ZNF687: variants seen among roughly 807,000 people sequenced by gnomAD.
The protein encoded by ZNF687 is zinc finger protein 687.
A neutral mutation model predicts 71.8 loss-of-function variants in ZNF687; 13 were observed. The observed-to-expected ratio is 0.18, with a 90% confidence interval of 0.12 to 0.29. The LOEUF (loss-of-function observed/expected upper bound fraction) is 0.29, where lower values mean the gene tolerates loss of function less well. Ranked by LOEUF, ZNF687 falls within the 10% of genes least tolerant of loss-of-function variation. ZNF687 has a pLI of 1.00. For missense variants in ZNF687, 1,412 were observed against 1,625.6 expected (o/e 0.87, Z 2.26); for synonymous variants, 673 against 641.6 (o/e 1.05, Z -0.74).
chr1:151,284,854 G>C (rs995761800), intron 1 of ZNF687, among the ~76,000 whole-genome samples: 11 of 131,182 alleles, frequency 8.4e-5, no homozygotes, highest in African/African-American at 3.3e-4. Context: ...CTGTCACCCA[G>C]GCTGGAGTGC....
chr1:151,283,199 C>T (rs1693798814), intron 1 of ZNF687: 1 of 985,362 alleles, frequency 1.0e-6, no homozygotes, highest in African/African-American at 1.7e-5. Context: ...ACTTGCTCCC[C>T]GCGCCAGCCC....
Position 151,292,160 on chromosome 1 carries a change from A to AAATT in ZNF687, c.*954_*957dup, listed in dbSNP as rs1435153759. The AAATT allele has an allele frequency of 6.6e-6, 1 of 152,306 alleles. No homozygotes were observed. Among genetic ancestry groups the AAATT allele is most frequent in the African/African-American group, 2.4e-5 (1 of 41,446 alleles). 9.4% of individuals were successfully genotyped at this position (152,306 alleles called of 1,614,324 possible). On this transcript the variant is annotated 3_prime_UTR_variant, in exon 9 of 9. Transcript: ENST00000336715. The stretch of plus-strand genomic sequence containing the variant: ...TAACTAAGGACTTTATTTCAAACAA[A>AAATT]AATTAAAAATAAAAAATTGAGAGCT...
In ZNF687 at chr1:151,282,488, C is replaced by T. The variant is rs587664454; in HGVS notation, c.-18+93C>T. ...CGCCCCTCCCCCACTTGGTCAACTA[C>T]CCCCTTCTCCGCGCCGCCCCCTGGG... On this transcript the variant is annotated intron_variant, in intron 1 of 8. Coordinates refer to ENST00000336715, the MANE Select transcript of ZNF687 (RefSeq NM_020832.3). 2.0e-4 allele frequency: 181 copies of T among 892,212 alleles called. No homozygotes were observed. The African/African-American group carries it at 2.9e-3, about 14-fold the overall frequency. 55.3% of individuals were successfully genotyped at this position (892,212 alleles called of 1,614,324 possible). A position where few individuals can be genotyped will look rare whatever the true frequency, so the allele number is the denominator to read the frequency against.
intron 8 of ZNF687, 33 bp from the exon 9 acceptor site, chr1:151,290,682 T>A: frequency 6.3e-7 from 1 of 1,581,354 alleles, no homozygotes; most frequent in Non-Finnish European, 8.6e-7. Context: ...GTAGGGGTGG[T>A]GGTAAGGCCC....
chr1:151,290,080 G>A (rs745650984), intron 6 of ZNF687, 42 bp from the exon 7 acceptor site: 3 of 1,612,554 alleles, frequency 1.9e-6, no homozygotes, highest in Non-Finnish European at 2.5e-6. Flanking sequence ...GTGGGGACGG[G>A]GTCCTGGAGC....
chr1:151,286,188 G>T lies in ZNF687; in HGVS notation c.-17-87G>T, dbSNP rs960984287. ...TGGAGTGTATGTGGGTTCTGAGAGA[G>T]GATAAATATGGAGATGCTGAGGGAA... On this transcript the variant is annotated intron_variant, in intron 1 of 8. Coordinates refer to ENST00000336715, the MANE Select transcript of ZNF687 (RefSeq NM_020832.3). 4 of 1,151,094 alleles carry T rather than the reference G, an allele frequency of 3.5e-6. No homozygotes were observed. The Admixed American group carries it at 7.3e-5, about 21-fold the overall frequency. 71.3% of individuals were successfully genotyped at this position (1,151,094 alleles called of 1,614,324 possible).
In ZNF687 at chr1:151,287,553, G is replaced by C. The variant is rs778496281; in HGVS notation, c.1262G>C (p.Arg421Pro). The change falls in exon 2 of 9, where the codon CGC becomes CCC. Residue 421 changes from arginine to proline, a missense_variant. Transcript: ENST00000336715. This position sits in a 1 kb window ranked among gnomAD's most constrained non-coding sequence, Gnocchi z 5.0. ...TAMLMAASVA[R>P]KAVVLPGGTA... ...ATGCTGATGGCAGCCAGTGTGGCTC[G>C]CAAGGCTGTGGTGCTGCCTGGGGGG... 6.2e-7 allele frequency: 1 copy of C among 1,613,624 alleles called. No individual in the cohort carries two copies.
rs764061356 is a variant in ZNF687, at chr1:151,288,685, T to C, written c.2273T>C (p.Val758Ala). The change falls in exon 3 of 9, where the codon GTC becomes GCC. Residue 758 changes from valine to alanine, a missense_variant. Coordinates refer to ENST00000336715, the MANE Select transcript of ZNF687 (RefSeq NM_020832.3). ...CATCTCCGGGAGGCCTGTCTGCACG[T>C]CTCTCGCCGTGTAGGATACAGGTGC... is the stretch of plus-strand genomic sequence containing the variant. ...QTHLREACLH[V>A]SRRVGYRCPS... The C allele has an allele frequency of 6.2e-7, 1 of 1,613,500 alleles. No homozygotes were observed. Among genetic ancestry groups the C allele is most frequent in the South Asian group, 1.1e-5 (1 of 90,980 alleles).
In ZNF687 at chr1:151,282,838, G is replaced by A. The variant is rs587620293; in HGVS notation, c.-18+443G>A. Among the ~76,000 whole-genome samples, 52 of 152,188 alleles carry A rather than the reference G, an allele frequency of 3.4e-4. No homozygotes were observed. In the Middle Eastern group the frequency reaches 0.01, roughly 30 times the overall value. On this transcript the variant is annotated intron_variant, in intron 1 of 8. Coordinates refer to ENST00000336715, the MANE Select transcript of ZNF687 (RefSeq NM_020832.3). ...CAGGCTTGCGCCCCCGGCCCCCTGC[G>A]CACCCCCCGATCAGTCTCCAGTCTC...
intron 1 of ZNF687, 42 bp from the exon 2 acceptor site, chr1:151,286,233 C>A: frequency 2.7e-6 from 4 of 1,472,542 alleles, no homozygotes; most frequent in Non-Finnish European, 3.7e-6. Context: ...GATCTCTCTT[C>A]TAGACATCTC....
At chr1:151,290,694 G>T in intron 8 of ZNF687, 21 bp from the exon 9 acceptor site, 1 of 1,587,464 alleles carries the variant, frequency 6.3e-7, no homozygotes, top group Non-Finnish European at 8.6e-7. Flanking sequence ...GTAAGGCCCA[G>T]TTTCTTCCAC....
At chr1:151,288,950 C>T in intron 3 of ZNF687, 145 bp from the exon 4 acceptor site, 1 of 1,028,580 alleles carries the variant, frequency 9.7e-7, no homozygotes, top group Non-Finnish European at 1.4e-6. Flanking sequence ...AGCCTCTGCA[C>T]CTCTCTCCTT....
chr1:151,290,195 G>A lies in ZNF687; in HGVS notation c.3038G>A (p.Arg1013Lys). The change falls in exon 7 of 9, where the codon AGA becomes AAA. Residue 1013 changes from arginine to lysine, a missense_variant. Physicochemically the swap from Arg to Lys is conservative, Grantham distance 26. Around this residue, in one of 8 missense-constraint regions of ZNF687, gnomAD observed 284 missense variants for 359.2 expected, o/e 0.79. Coordinates refer to ENST00000336715, the MANE Select transcript of ZNF687 (RefSeq NM_020832.3). ...CSAPSLRRHV[R>K]VNHEGIKRVY... ...GCCCCCAGCCTGAGGCGCCATGTCAGAGTTAATCACGAGGGCATCAAGCGA... is the reference window on the plus strand; with the variant it reads ...GCCCCCAGCCTGAGGCGCCATGTCAAAGTTAATCACGAGGGCATCAAGCGA... 6.2e-7 allele frequency: 1 copy of A among 1,614,072 alleles called. No homozygotes were observed. The highest frequency in any genetic ancestry group is 8.5e-7 in the Non-Finnish European group (1 of 1,180,042).
chr1:151,283,994 G>GA (rs1486880183), intron 1 of ZNF687: 5 of 985,294 alleles, frequency 5.1e-6, no homozygotes, highest in Non-Finnish European at 6.0e-6. Flanking sequence ...CACTGGTAGG[G>GA]GACAGACCTG....
Position 151,287,798 on chromosome 1 carries a change from A to C in ZNF687, c.1507A>C (p.Lys503Gln), listed in dbSNP as rs760056428. The change falls in exon 2 of 9, where the codon AAG (lysine) becomes CAG (glutamine). Residue 503 changes from lysine to glutamine, a missense_variant. Transcript: ENST00000336715. This position sits in a 1 kb window ranked among gnomAD's most constrained non-coding sequence, Gnocchi z 5.0. ...GTCCAGCCTGGTGGAGGCCTTCAAC[A>C]AGATCCTCAACAGCAAGAACCTGCT... ...TQSSLVEAFN[K>Q]ILNSKNLLPA... is the part of the protein sequence containing the mutation. 8 of 1,614,026 alleles carry C rather than the reference A, an allele frequency of 5.0e-6. No individual in the cohort carries two copies. Among genetic ancestry groups the C allele is most frequent in the Non-Finnish European group, 5.9e-6 (7 of 1,180,006 alleles).
intron 3 of ZNF687, 59 bp from the exon 4 acceptor site, chr1:151,289,036 C>T: frequency 1.3e-6 from 2 of 1,559,516 alleles, no homozygotes; most frequent in South Asian, 1.2e-5. Context: ...ATGTATGGTC[C>T]CGGGGTGGGC....
chr1:151,291,427 C>T lies in ZNF687; in HGVS notation c.*218C>T, dbSNP rs1317439689. On this transcript the variant is annotated 3_prime_UTR_variant, in exon 9 of 9. Transcript: ENST00000336715. ...TCCTAGTAGAGTGGACCCTCCATTC[C>T]TCCTTTCTGAGCCCAACACTAATTA... 5 of 562,144 alleles carry T rather than the reference C, an allele frequency of 8.9e-6. No individual in the cohort carries two copies. The highest frequency in any genetic ancestry group is 1.5e-5 in the Non-Finnish European group (5 of 326,134). 34.8% of individuals were successfully genotyped at this position (562,144 alleles called of 1,614,324 possible).
chr1:151,289,001 T>C (rs1694075731), intron 3 of ZNF687, 94 bp from the exon 4 acceptor site: 18 of 1,365,404 alleles, frequency 1.3e-5, no homozygotes, highest in Non-Finnish European at 1.7e-5. Flanking sequence ...TTCCTTCTTG[T>C]AGTCTACCCA....
In ZNF687 at chr1:151,290,523, T is replaced by C; in HGVS notation, c.3169T>C (p.Ser1057Pro). The C allele has an allele frequency of 1.2e-6, 2 of 1,613,762 alleles. No homozygotes were observed. Among genetic ancestry groups the C allele is most frequent in the Non-Finnish European group, 1.7e-6 (2 of 1,179,930 alleles). The change falls in exon 8 of 9, where the codon TCC becomes CCC. Residue 1057 changes from serine (S) to proline (P), a missense_variant. Physicochemically the swap from Ser to Pro is moderately conservative, Grantham distance 74. Around this residue, in one of 8 missense-constraint regions of ZNF687, gnomAD observed 284 missense variants for 359.2 expected, o/e 0.79. Coordinates refer to ENST00000336715, the MANE Select transcript of ZNF687 (RefSeq NM_020832.3). ...GCACGGCTTGCAGCTTGGGGCCCAG[T>C]CCCCTGGCCGGGGGACCACCTTGGC... ...VRHGLQLGAQ[S>P]PGRGTTLARG...
Sources: allele counts gnomAD v4.1 joint callset (sites outside exome capture counted in the v4.1 genomes callset), GRCh38; gene constraint gnomAD v4.1.1; regional missense constraint gnomAD v4.1.1; non-coding constraint Gnocchi (gnomAD v3.1); transcripts MANE v1.5; gene names NCBI Gene and HGNC (gene_info 2026-07-23, HGNC 2026-07-21).